The following MYH13 variants were observed in gnomAD, a reference collection of about 807,000 sequenced individuals.
The protein encoded by MYH13 is myosin-13.
MYH13 carries 177 observed loss-of-function variants against 232.1 expected under a neutral mutation model. The ratio of observed to expected loss-of-function variants is 0.76; its 90% CI spans 0.67 to 0.86. The LOEUF is 0.86. Ranked by LOEUF, MYH13 falls within the 40% of genes least tolerant of loss-of-function variation. The probability of loss-of-function intolerance (pLI) is 0.00; values close to 1 mark genes in which losing one functional copy is unlikely to be tolerated. For missense variants in MYH13, 2,246 were observed against 2,405.9 expected (o/e 0.93, Z 1.39); for synonymous variants, 884 against 923.5 (o/e 0.96, Z 0.78).
intron 7 of MYH13, 31 bp from the exon 8 acceptor site, chr17:10,357,858 A>T: frequency 6.3e-7 from 1 of 1,593,370 alleles, no homozygotes; most frequent in Non-Finnish European, 8.6e-7. Context: ...GAAAAAGAGG[A>T]CTTTGGATGG....
intron 23 of MYH13, among the ~76,000 whole-genome samples, chr17:10,322,086 G>T (rs1008820354): frequency 1.3e-5 from 2 of 152,172 alleles, no homozygotes; most frequent in Non-Finnish European, 2.9e-5. Flanking sequence ...GAGGAGAGGC[G>T]TGAGGTCCTA....
chr17:10,359,855 T>C lies in MYH13; in HGVS notation c.645+105A>G, dbSNP rs776376764. 3 of 995,898 alleles carry C rather than the reference T, an allele frequency of 3.0e-6. No individual in the cohort carries two copies. In the Admixed American group the frequency reaches 6.2e-5, roughly 20 times the overall value. 61.7% of individuals were successfully genotyped at this position (995,898 alleles called of 1,614,324 possible). On this transcript the variant is annotated intron_variant, in intron 7 of 40. Coordinates refer to ENST00000252172, the MANE Select transcript of MYH13 (RefSeq NM_003802.3). ...GAGAGGAAAGAAAGAATTTTTCCTA[T>C]TTGCCGTTTCTACTGAGCGCATACC...
intron 2 of MYH13, among the ~76,000 whole-genome samples, chr17:10,368,952 G>A (rs2071858591): frequency 6.6e-6 from 1 of 152,232 alleles, no homozygotes; most frequent in Non-Finnish European, 1.5e-5. Flanking sequence ...AAGGTCCTCA[G>A]AGAGATGTTT....
In MYH13 at chr17:10,332,984, C is replaced by T. The variant is rs1424463286; in HGVS notation, c.2174+90G>A. 3 of 1,039,664 alleles carry T rather than the reference C, an allele frequency of 2.9e-6. No individual in the cohort carries two copies. In the Admixed American group the frequency reaches 6.2e-5, roughly 21 times the overall value. 64.4% of individuals were successfully genotyped at this position (1,039,664 alleles called of 1,614,324 possible). ...GTGGAAACTCTGGGGGACTTGGGAG[C>T]TCACCAAATACCCAGGTCAAGAAAT... On this transcript the variant is annotated intron_variant, in intron 19 of 40. Transcript: ENST00000252172.
chr17:10,322,191 G>T (rs976183208), intron 23 of MYH13, among the ~76,000 whole-genome samples: 3 of 151,864 alleles, frequency 2.0e-5, no homozygotes, highest in Non-Finnish European at 4.4e-5. Context: ...AGGAGATCGA[G>T]ACCATCCTGA....
At chr17:10,340,643 C>A (rs528583002) in intron 16 of MYH13, among the ~76,000 whole-genome samples, 1 of 152,264 alleles carries the variant, frequency 6.6e-6, no homozygotes, top group East Asian at 1.9e-4. Context: ...CTCAGCCTCC[C>A]AAGTAGCTGA....
chr17:10,359,112 G>A (rs2071771358), intron 7 of MYH13, among the ~76,000 whole-genome samples: 1 of 152,194 alleles, frequency 6.6e-6, no homozygotes, highest in Non-Finnish European at 1.5e-5. Flanking sequence ...AATATCTGAA[G>A]TGATAAATGT....
chr17:10,367,131 C>T (rs1567674827), intron 2 of MYH13, among the ~76,000 whole-genome samples: 1 of 152,176 alleles, frequency 6.6e-6, no homozygotes, highest in Non-Finnish European at 1.5e-5. Flanking sequence ...AATGTAATGG[C>T]TTAGGTGGAT....
At chr17:10,309,893 T>C in intron 33 of MYH13, 63 bp from the exon 34 acceptor site, 1 of 1,387,258 alleles carries the variant, frequency 7.2e-7, no homozygotes, top group Non-Finnish European at 9.7e-7. Context: ...ATGGGTATTT[T>C]CATCCCCATA....
intron 21 of MYH13, among the ~76,000 whole-genome samples, chr17:10,328,350 G>A (rs1489108342): frequency 1.3e-5 from 2 of 152,248 alleles, no homozygotes; most frequent in East Asian, 1.9e-4. Context: ...AGCTACCTGC[G>A]GGCTCCTGGT....
chr17:10,369,934 C>T (rs192452179), intron 2 of MYH13, among the ~76,000 whole-genome samples: 3 of 152,366 alleles, frequency 2.0e-5, no homozygotes, highest in East Asian at 3.9e-4. Context: ...AACCTTCCTA[C>T]GTGACAACTC....
At chr17:10,316,537 A>G (rs1906720715) in intron 27 of MYH13, among the ~76,000 whole-genome samples, 2 of 152,230 alleles carry the variant, frequency 1.3e-5, no homozygotes, top group Admixed American at 6.5e-5. Flanking sequence ...CAGGTAGATA[A>G]GTATTTAATG....
chr17:10,312,580 G>A lies in MYH13; in HGVS notation c.4359C>T (p.Phe1453=), dbSNP rs758122681. The A allele has an allele frequency of 1.2e-5, 19 of 1,611,654 alleles. No individual in the cohort carries two copies. Among genetic ancestry groups the A allele is most frequent in the African/African-American group, 2.7e-5 (2 of 74,848 alleles). ...CATLDKKQRN[F]DKVLAEWKQK... is the part of the protein sequence containing the mutation. ...AAAGCGGCTGGGGAAGGACCTTGTC[G>A]AAGTTCCTCTGCTTCTTGTCCAGTG... is the stretch of plus-strand genomic sequence containing the variant. Residue 1453 remains phenylalanine, a synonymous_variant, in exon 31 of 41, where the codon TTC becomes TTT. Coordinates refer to ENST00000252172, the MANE Select transcript of MYH13 (RefSeq NM_003802.3).
intron 18 of MYH13, among the ~76,000 whole-genome samples, chr17:10,336,643 C>T (rs1026715041): frequency 4.6e-5 from 7 of 152,194 alleles, no homozygotes; most frequent in African/African-American, 1.7e-4. Flanking sequence ...AGGGCTCTTA[C>T]ACTCTGGGCC....
At chr17:10,357,638 C>T in intron 8 of MYH13, 97 bp downstream of exon 8, 1 of 1,058,526 alleles carries the variant, frequency 9.4e-7, no homozygotes, top group Non-Finnish European at 1.4e-6. Context: ...GAAAAAGGCC[C>T]CCATATATTC....
Position 10,364,521 on chromosome 17 carries a change from C to A in MYH13, c.10G>T (p.Asp4Tyr). The A allele has an allele frequency of 6.3e-7, 1 of 1,593,818 alleles. No homozygotes were observed. The change falls in exon 3 of 41, where the codon GAC (aspartate) becomes TAC (tyrosine). Residue 4 changes from aspartate (D) to tyrosine (Y), a missense_variant. By Grantham distance (160) the Asp-to-Tyr change is radical (BLOSUM62 -3). Coordinates refer to ENST00000252172, the MANE Select transcript of MYH13 (RefSeq NM_003802.3). MSS[D>Y]AEMAIFGEAA... ...TCTCCAAAAATGGCCATTTCTGCGT[C>A]AGAGCTCATGACTGCAGAGGGCTGG...
intron 20 of MYH13, 38 bp downstream of exon 20, chr17:10,332,061 G>C: frequency 2.5e-6 from 4 of 1,611,476 alleles, no homozygotes; most frequent in Non-Finnish European, 3.4e-6. Flanking sequence ...CCAGGGCTGT[G>C]GGGTTACTAG....
At chr17:10,348,497 C>T (rs988981509) in intron 12 of MYH13, among the ~76,000 whole-genome samples, 4 of 152,224 alleles carry the variant, frequency 2.6e-5, no homozygotes, top group African/African-American at 9.6e-5. Context: ...AGTGAGCACC[C>T]AGCAAATATT....
At chr17:10,308,221 G>T (rs1238698639) in intron 35 of MYH13, among the ~76,000 whole-genome samples, 2 of 151,682 alleles carry the variant, frequency 1.3e-5, no homozygotes, top group African/African-American at 2.4e-5. Flanking sequence ...CTACTCAGGA[G>T]GCTGAGGCAG....
Sources: allele counts gnomAD v4.1 joint callset (sites outside exome capture counted in the v4.1 genomes callset), GRCh38; gene constraint gnomAD v4.1.1; transcripts MANE v1.5; gene names NCBI Gene and HGNC (gene_info 2026-07-23, HGNC 2026-07-21).